ZNF385D: variants seen among roughly 807,000 people sequenced by gnomAD.
ZNF385D encodes the protein zinc finger protein 385D.
A neutral mutation model predicts 35.8 loss-of-function variants in ZNF385D; 15 were observed. The observed-to-expected ratio is 0.42, with a 90% CI of 0.28 to 0.64. The LOEUF is 0.64. Among genes scored for constraint, ZNF385D ranks in the 30% least tolerant of loss-of-function variants. The pLI, the probability that ZNF385D is intolerant of heterozygous loss-of-function variation, is 0.23. For missense variants in ZNF385D, 474 were observed against 494.6 expected (o/e 0.96, Z 0.39); for synonymous variants, 212 against 186.8 (o/e 1.13, Z -1.10).
intron 3 of ZNF385D, among the ~76,000 whole-genome samples, chr3:22,061,075 G>C (rs999773830): frequency 5.9e-5 from 9 of 151,986 alleles, no homozygotes; most frequent in Non-Finnish European, 1.2e-4. Context: ...AATATTACTA[G>C]AGCTCGGGTA....
At chr3:21,790,678 T>C (rs566425508) in intron 3 of ZNF385D, among the ~76,000 whole-genome samples, 40 of 152,332 alleles carry the variant, frequency 2.6e-4, no homozygotes, top group African/African-American at 8.9e-4. Context: ...GGAAATTTTC[T>C]CAAGGAAAAT....
chr3:21,560,905 C>T (rs2062920340), intron 3 of ZNF385D, among the ~76,000 whole-genome samples: 1 of 152,110 alleles, frequency 6.6e-6, no homozygotes, highest in Admixed American at 6.5e-5. Flanking sequence ...CTTCAGTGGG[C>T]TCCGCTCAGT....
At position 21,423,717 on chromosome 3, in the gene ZNF385D, G is replaced by A. The variant is rs115374099; in HGVS notation, c.954+246C>T. ...CATTAAAAAAGATATACATGAATTT[G>A]TTTTTTCCTGACCTTCCTTCCAAAA... On this transcript the variant is annotated intron_variant, in intron 7 of 7. Transcript: ENST00000281523. 6.4e-3 allele frequency among the ~76,000 whole-genome samples: 972 copies of A among 152,228 alleles called. 13 individuals are homozygous for A. The highest frequency in any genetic ancestry group is 0.022 in the African/African-American group (922 of 41,558).
intron 1 of ZNF385D, among the ~76,000 whole-genome samples, chr3:21,683,912 G>T (rs965244401): frequency 2.7e-5 from 4 of 150,184 alleles, no homozygotes; most frequent in Non-Finnish European, 5.9e-5. Flanking sequence ...TGAGGACTCA[G>T]TCCAGCCAAC....
chr3:22,362,768 T>C (rs1356448446), intron 2 of ZNF385D, among the ~76,000 whole-genome samples: 2 of 152,128 alleles, frequency 1.3e-5, no homozygotes, highest in South Asian at 2.1e-4. Flanking sequence ...CAGAATATTA[T>C]GCTGTTTTTA....
intron 3 of ZNF385D, among the ~76,000 whole-genome samples, chr3:21,865,779 G>A (rs1025738993): frequency 6.6e-6 from 1 of 152,026 alleles, no homozygotes; most frequent in Non-Finnish European, 1.5e-5. Flanking sequence ...TGAAATTCAA[G>A]CACCAGTAAT....
chr3:22,294,525 A>C (rs1447512932), intron 2 of ZNF385D, among the ~76,000 whole-genome samples: 1 of 152,234 alleles, frequency 6.6e-6, no homozygotes, highest in Non-Finnish European at 1.5e-5. Flanking sequence ...TTATTTCCTT[A>C]AGATGATAAT....
intron 2 of ZNF385D, among the ~76,000 whole-genome samples, chr3:21,661,747 G>C (rs185702526): frequency 6.6e-6 from 1 of 152,154 alleles, no homozygotes; most frequent in African/African-American, 2.4e-5. Flanking sequence ...GCTTTGAGGA[G>C]ACTAAGGGAT....
intron 1 of ZNF385D, among the ~76,000 whole-genome samples, chr3:21,674,673 A>G (rs1329001352): frequency 1.3e-5 from 2 of 152,106 alleles, no homozygotes; most frequent in African/African-American, 4.8e-5. Context: ...TACTCTATTC[A>G]GTATTTCCTG....
intron 3 of ZNF385D, among the ~76,000 whole-genome samples, chr3:21,866,392 T>A (rs9857867): frequency 0.036 from 5,420 of 152,184 alleles, 245 homozygotes; most frequent in African/African-American, 0.098. Flanking sequence ...AGGTGGAGGT[T>A]GCAGTGAGCC....
chr3:21,946,164 G>C (rs1278317368), intron 3 of ZNF385D, among the ~76,000 whole-genome samples: 1 of 152,024 alleles, frequency 6.6e-6, no homozygotes, highest in Non-Finnish European at 1.5e-5. Flanking sequence ...AGAAGCATTG[G>C]TTCCTTGATT....
intron 2 of ZNF385D, among the ~76,000 whole-genome samples, chr3:22,364,707 GTAT>G (rs1696572368): frequency 6.6e-6 from 1 of 152,080 alleles, no homozygotes. Context: ...AGTATTAGAA[GTAT>G]TATGTCATCT....
At chr3:22,130,182 G>T (rs1703692109) in intron 3 of ZNF385D, among the ~76,000 whole-genome samples, 1 of 152,072 alleles carries the variant, frequency 6.6e-6, no homozygotes, top group Non-Finnish European at 1.5e-5. Flanking sequence ...TGGCTAAGCT[G>T]GAATCCAAGT....
At chr3:21,735,752 G>T (rs2069212703) in intron 1 of ZNF385D, among the ~76,000 whole-genome samples, 1 of 152,164 alleles carries the variant, frequency 6.6e-6, no homozygotes, top group South Asian at 2.1e-4. Flanking sequence ...AGAGACAGCA[G>T]GTAATTGGAG....
At chr3:21,475,656 C>G (rs572512660) in intron 4 of ZNF385D, among the ~76,000 whole-genome samples, 1 of 152,138 alleles carries the variant, frequency 6.6e-6, no homozygotes, top group South Asian at 2.1e-4. Context: ...CCAAAGAGCT[C>G]CATTCTGCTC....
At chr3:22,362,698 A>G (rs1183512865) in intron 2 of ZNF385D, among the ~76,000 whole-genome samples, 1 of 152,130 alleles carries the variant, frequency 6.6e-6, no homozygotes, top group African/African-American at 2.4e-5. Context: ...CAAATAGAGT[A>G]CTGCATAGAT....
At chr3:22,194,185 G>A (rs1527635) in intron 2 of ZNF385D, among the ~76,000 whole-genome samples, 39,498 of 150,782 alleles carry the variant, frequency 0.26, 6,433 homozygotes, top group African/African-American at 0.47. Context: ...GATTTTGATT[G>A]TTGATAAATT....
rs561592546 is a variant in ZNF385D at position 22,010,524 on chromosome 3, A to C, written c.325+158293T>G. Among the ~76,000 whole-genome samples, 15 of 152,334 alleles carry C rather than the reference A, an allele frequency of 9.8e-5. No homozygotes were observed. The South Asian group carries it at 2.1e-3, about 21-fold the overall frequency. On this transcript the variant is annotated intron_variant, in intron 3 of 5. Coordinates refer to the ZNF385D transcript ENST00000494108. ...TTCCTCTATCTAGGCTCAGACTTGC[A>C]ACGTTTTCAGTCTAGAGACTGCAAG...
chr3:22,226,960 T>C (rs1242899445), intron 2 of ZNF385D, among the ~76,000 whole-genome samples: 1 of 152,150 alleles, frequency 6.6e-6, no homozygotes, highest in Admixed American at 6.5e-5. Flanking sequence ...AATGCCAATA[T>C]GGAAAAATAC....
Sources: allele counts gnomAD v4.1 joint callset (sites outside exome capture counted in the v4.1 genomes callset), GRCh38; gene constraint gnomAD v4.1.1; transcripts MANE v1.5; gene names NCBI Gene and HGNC (gene_info 2026-07-23, HGNC 2026-07-21).